Variants in TTC7A observed in about 807,000 individuals in gnomAD.
The protein encoded by TTC7A is tetratricopeptide repeat protein 7A.
In TTC7A, 110 loss-of-function variants were observed where a neutral mutation model predicts 103.7. The ratio of observed to expected loss-of-function variants is 1.06; its 90% CI spans 0.91 to 1.24. The LOEUF is 1.24. TTC7A is among the 50% of genes most tolerant of loss of function. The pLI is 0.00. For missense variants in TTC7A, 1,340 were observed against 1,116.3 expected (o/e 1.20, Z -2.86); for synonymous variants, 521 against 467.9 (o/e 1.11, Z -1.47).
At chr2:46,995,386 G>T (rs745701142) in intron 8 of TTC7A, among the ~76,000 whole-genome samples, 187 bp downstream of exon 8, 1 of 152,250 alleles carries the variant, frequency 6.6e-6, no homozygotes, top group Non-Finnish European at 1.5e-5. Flanking sequence ...GGAATTGGCT[G>T]TCGAAGGCTT....
intron 19 of TTC7A, among the ~76,000 whole-genome samples, chr2:47,069,654 G>T (rs763792228): frequency 6.6e-6 from 1 of 152,198 alleles, no homozygotes; most frequent in Non-Finnish European, 1.5e-5. Context: ...CTGGAGAGGC[G>T]CCTCCCTCCC....
At chr2:46,936,722 G>C (rs560134818), upstream of TTC7A, among the ~76,000 whole-genome samples, 1 of 152,084 alleles carries the variant, frequency 6.6e-6, no homozygotes, top group Non-Finnish European at 1.5e-5. Context: ...TTAGAATTGC[G>C]GTAGCCACTA....
At chr2:47,051,598 G>A in intron 17 of TTC7A, 148 bp from the exon 18 acceptor site, 1 of 1,021,358 alleles carries the variant, frequency 9.8e-7, no homozygotes, top group South Asian at 2.3e-5. Context: ...TAGTGGGTCT[G>A]TGAGCTGCTT....
intron 2 of TTC7A, among the ~76,000 whole-genome samples, chr2:46,921,388 A>G (rs1669094605): frequency 6.6e-6 from 1 of 152,210 alleles, no homozygotes; most frequent in East Asian, 1.9e-4. Context: ...GAAATGCTTA[A>G]AATACCATTA....
intron 5 of TTC7A, among the ~76,000 whole-genome samples, chr2:46,982,453 G>T (rs74405291): frequency 1.3e-5 from 2 of 152,128 alleles, no homozygotes; most frequent in South Asian, 4.1e-4. Flanking sequence ...ATGCCTGGCA[G>T]ACAGGAGAGT....
intron 15 of TTC7A, chr2:47,040,617 C>T (rs1270656704): frequency 6.6e-6 from 1 of 152,244 alleles, no homozygotes; most frequent in East Asian, 1.9e-4. Flanking sequence ...AAGCTCAGGG[C>T]TTTCTGGGAG....
rs748315468 is a variant in TTC7A at position 47,053,530 on chromosome 2, TTTTG to T, written c.2152+1663_2152+1666del. On this transcript the variant is annotated intron_variant, in intron 18 of 19. Coordinates refer to ENST00000319190, the MANE Select transcript of TTC7A (RefSeq NM_020458.4). The stretch of plus-strand genomic sequence containing the variant: ...TGGTGGGCGGGTTTTTGGTGGGTTT[TTTTG>T]TTTGTTTGTTTGGTTGGTTGGTTGG... 3.1e-3 allele frequency among the ~76,000 whole-genome samples: 426 copies of T among 138,836 alleles called. 4 individuals carry two copies. The highest frequency in any genetic ancestry group is 9.8e-3 in the African/African-American group (375 of 38,156). 91.1% of individuals were successfully genotyped at this position (138,836 alleles called of 152,430 possible). A position where few individuals can be genotyped will look rare whatever the true frequency, so the allele number is the denominator to read the frequency against.
chr2:47,034,803 G>A (rs1022578073), intron 15 of TTC7A, among the ~76,000 whole-genome samples: 5 of 152,162 alleles, frequency 3.3e-5, no homozygotes, highest in Non-Finnish European at 7.3e-5. Flanking sequence ...TGCTGGCCCA[G>A]TACTGGTCCC....
At chr2:46,997,364 G>A (rs1003793378) in intron 8 of TTC7A, among the ~76,000 whole-genome samples, 4 of 152,150 alleles carry the variant, frequency 2.6e-5, no homozygotes, top group Admixed American at 1.3e-4. Context: ...AAACGGGGTC[G>A]TCTGTTAGGT....
intron 2 of TTC7A, among the ~76,000 whole-genome samples, chr2:46,927,334 A>C (rs1669438422): frequency 6.6e-6 from 1 of 151,822 alleles, no homozygotes; most frequent in African/African-American, 2.4e-5. Context: ...AAATAATATT[A>C]AAGATAGAGG....
At chr2:47,025,832 A>G (rs1679848183) in intron 14 of TTC7A, among the ~76,000 whole-genome samples, 1 of 149,910 alleles carries the variant, frequency 6.7e-6, no homozygotes, top group South Asian at 2.1e-4. Flanking sequence ...CTCACTCCTG[A>G]CCCCAGGTCC....
intron 2 of TTC7A, among the ~76,000 whole-genome samples, chr2:46,928,317 AAAAAAG>A (rs1226600686): frequency 6.6e-6 from 1 of 152,096 alleles, no homozygotes; most frequent in African/African-American, 2.4e-5. Flanking sequence ...AACATTACAA[AAAAAAG>A]AAAAAGAACT....
intron 15 of TTC7A, among the ~76,000 whole-genome samples, chr2:47,030,103 AC>A (rs1286022127): frequency 1.3e-5 from 2 of 152,184 alleles, no homozygotes; most frequent in African/African-American, 4.8e-5. Flanking sequence ...GTTTCTCAGA[AC>A]CCTGTGATCC....
chr2:47,038,519 T>A (rs1278723213), intron 15 of TTC7A, among the ~76,000 whole-genome samples: 1 of 152,204 alleles, frequency 6.6e-6, no homozygotes, highest in Non-Finnish European at 1.5e-5. Context: ...TCTATAAAAA[T>A]AGAACTCTTC....
chr2:47,046,505 C>A, intron 16 of TTC7A, 74 bp downstream of exon 16: 1 of 1,143,584 alleles, frequency 8.7e-7, no homozygotes. Flanking sequence ...TGGGTGGCCA[C>A]CATGCCTGCC....
At chr2:47,006,500 G>A (rs1677408467) in intron 9 of TTC7A, 141 bp from the exon 10 acceptor site, 3 of 724,404 alleles carry the variant, frequency 4.1e-6, no homozygotes, top group Non-Finnish European at 7.3e-6. Flanking sequence ...GGTTTCGGCA[G>A]GGTGTCTCCC....
chr2:47,009,747 G>T (rs1677823508), intron 10 of TTC7A, among the ~76,000 whole-genome samples: 1 of 152,112 alleles, frequency 6.6e-6, no homozygotes, highest in Admixed American at 6.5e-5. Flanking sequence ...CCACAGTAGG[G>T]CCCAGTACAT....
At position 47,073,814 on chromosome 2, in the gene TTC7A, T is replaced by C. The variant is rs587776972; in HGVS notation, c.2468T>C (p.Leu823Pro). 20 of 1,613,570 alleles carry C rather than the reference T, an allele frequency of 1.2e-5. No individual in the cohort carries two copies. The highest frequency in any genetic ancestry group is 1.5e-5 in the Non-Finnish European group (18 of 1,179,972). Residue 823 changes from leucine (L) to proline (P), a missense_variant, in exon 20 of 20, where the codon CTG becomes CCG. Coordinates refer to ENST00000319190, the MANE Select transcript of TTC7A (RefSeq NM_020458.4). ...GCGTGGCAGGGCCTGGGCGAGGTGC[T>C]GCAGGCCCAGGGCCAGAACGAGGCT... ...HEAWQGLGEV[L>P]QAQGQNEAAV...
At chr2:46,982,945 C>T (rs1466976278) in intron 5 of TTC7A, among the ~76,000 whole-genome samples, 1 of 151,324 alleles carries the variant, frequency 6.6e-6, no homozygotes, top group Non-Finnish European at 1.5e-5. Flanking sequence ...CCAGCCTGGG[C>T]CAACAGAGCA....
Sources: gnomAD v4.1 joint callset for allele counts (sites outside exome capture counted in the v4.1 genomes callset) on GRCh38, gnomAD v4.1.1 for gene constraint, MANE v1.5 for transcripts, NCBI Gene and HGNC (gene_info 2026-07-23, HGNC 2026-07-21) for gene names.